BCO1: variants seen among roughly 807,000 people sequenced by gnomAD.
BCO1 encodes the protein beta,beta-carotene 15,15'-dioxygenase.
Under a neutral mutation model 56.3 loss-of-function variants are expected in BCO1, and 54 were observed. That is an observed-to-expected ratio of 0.96 (90% CI 0.77 to 1.20). The LOEUF is 1.20. Ranked by LOEUF, BCO1 falls within the 50% of genes most tolerant of loss-of-function variation. The pLI is 0.00. For synonymous variants in BCO1, 318 were observed against 266.1 expected (o/e 1.20, Z -1.90); for missense variants, 801 against 690.9 (o/e 1.16, Z -1.79).
intron 2 of BCO1, among the ~76,000 whole-genome samples, chr16:81,256,548 A>G (rs766326370): frequency 1.3e-5 from 2 of 152,196 alleles, no homozygotes; most frequent in East Asian, 1.9e-4. Flanking sequence ...AAAATAAAAC[A>G]CTGCCTCTTT....
At chr16:81,258,453 C>T (rs58860442) in intron 2 of BCO1, among the ~76,000 whole-genome samples, 2,961 of 152,288 alleles carry the variant, frequency 0.019, 72 homozygotes, top group African/African-American at 0.067. Context: ...CAATATCAAA[C>T]GTTACTCCAG....
intron 7 of BCO1, among the ~76,000 whole-genome samples, chr16:81,272,507 C>T (rs886442898): frequency 2.6e-5 from 4 of 152,204 alleles, no homozygotes; most frequent in African/African-American, 9.6e-5. Flanking sequence ...TTTGCCTAAT[C>T]GTTCATGGCA....
intron 7 of BCO1, among the ~76,000 whole-genome samples, chr16:81,273,535 G>T (rs995955018): frequency 2.0e-5 from 3 of 152,036 alleles, no homozygotes; most frequent in Admixed American, 6.6e-5. Flanking sequence ...CAGAGCTGGG[G>T]TCCTCTCCCA....
chr16:81,270,692 C>CTCTGTGTCTGTG (rs146010684), intron 7 of BCO1, among the ~76,000 whole-genome samples: 1 of 143,694 alleles, frequency 7.0e-6, no homozygotes. Flanking sequence ...CTCTCTGTGT[C>CTCTGTGTCTGTG]TGTGTGTGTG....
chr16:81,242,702 C>T (rs1241250729), intron 1 of BCO1, among the ~76,000 whole-genome samples: 4 of 152,048 alleles, frequency 2.6e-5, no homozygotes, highest in Non-Finnish European at 4.4e-5. Context: ...AGACAACCTT[C>T]GAAGCTCCAA....
In BCO1 at chr16:81,264,757, G is replaced by A. The variant is rs779046372; in HGVS notation, c.589G>A (p.Val197Met). The change falls in exon 5 of 11, where the codon GTG becomes ATG. Residue 197 changes from valine to methionine, a missense_variant. Coordinates refer to ENST00000258168, the MANE Select transcript of BCO1 (RefSeq NM_017429.3). ...SIVEKGKTKY[V>M]IFKIPATVPE... is the part of the protein sequence containing the mutation. ...TGTGGAAAAGGGGAAGACAAAGTATGTGATTTTTAAGATCCCTGCCACAGT... is the reference window on the plus strand; with the variant it reads ...TGTGGAAAAGGGGAAGACAAAGTATATGATTTTTAAGATCCCTGCCACAGT... 3 of 1,614,054 alleles carry A rather than the reference G, an allele frequency of 1.9e-6. No homozygotes were observed. The highest frequency in any genetic ancestry group is 2.5e-6 in the Non-Finnish European group (3 of 1,180,026).
chr16:81,240,086 G>A lies in BCO1; in HGVS notation c.64+1114G>A, dbSNP rs189111719. ...GAAACAAAAAAAAAATAGCTTTTAT[G>A]TATATATTTTCCTGGTTACAAAGGT... On this transcript the variant is annotated intron_variant, in intron 1 of 10. Coordinates refer to ENST00000258168, the MANE Select transcript of BCO1 (RefSeq NM_017429.3). 8.6e-5 allele frequency among the ~76,000 whole-genome samples: 13 copies of A among 151,948 alleles called. No homozygotes were observed. The East Asian group carries it at 1.9e-3, about 23-fold the overall frequency.
rs151144143 is a variant in BCO1, at chr16:81,241,095, G to A, written c.64+2123G>A. ...TTGATCCGCCCGTGTTGGCCTCCCA[G>A]AGTGCTGGGATTATAGGCGTGAACC... On this transcript the variant is annotated intron_variant, in intron 1 of 10. Coordinates refer to ENST00000258168, the MANE Select transcript of BCO1 (RefSeq NM_017429.3). Among the ~76,000 whole-genome samples, 1,262 of 152,178 alleles carry A rather than the reference G, an allele frequency of 8.3e-3. 11 individuals are homozygous for A. The highest frequency in any genetic ancestry group is 0.027 in the Middle Eastern group (8 of 294).
chr16:81,259,893 T>A, intron 3 of BCO1, 88 bp downstream of exon 3: 6 of 1,541,932 alleles, frequency 3.9e-6, no homozygotes, highest in Non-Finnish European at 5.4e-6. Context: ...CTCTGACAAT[T>A]CTCTTTAGGG....
chr16:81,257,469 T>C (rs1454407159), intron 2 of BCO1, among the ~76,000 whole-genome samples: 1 of 151,816 alleles, frequency 6.6e-6, no homozygotes, highest in Non-Finnish European at 1.5e-5. Context: ...TTCACCATGT[T>C]GGCCAGGCTG....
At chr16:81,287,534 C>CATCTA (rs1908256918) in intron 10 of BCO1, 128 bp downstream of exon 10, 2 of 760,110 alleles carry the variant, frequency 2.6e-6, no homozygotes, top group Non-Finnish European at 4.7e-6. Flanking sequence ...TTGAAGTGTA[C>CATCTA]ATCTGTCTGG....
intron 6 of BCO1, among the ~76,000 whole-genome samples, chr16:81,268,483 G>A (rs924997424): frequency 6.6e-6 from 1 of 152,182 alleles, no homozygotes; most frequent in African/African-American, 2.4e-5. Context: ...CTGTTGACAA[G>A]ACCCCTTAAC....
At chr16:81,260,421 G>A (rs1351094637) in intron 3 of BCO1, among the ~76,000 whole-genome samples, 1 of 152,112 alleles carries the variant, frequency 6.6e-6, no homozygotes, top group African/African-American at 2.4e-5. Flanking sequence ...AAAGAAACTA[G>A]GAAAGGATGC....
intron 3 of BCO1, among the ~76,000 whole-genome samples, chr16:81,260,610 G>C (rs1208049516): frequency 5.9e-5 from 9 of 152,176 alleles, no homozygotes; most frequent in Non-Finnish European, 1.3e-4. Flanking sequence ...CCAGGTTCAA[G>C]TGATTCTCCT....
At chr16:81,259,917 C>T (rs1597356683) in intron 3 of BCO1, 112 bp downstream of exon 3, 1 of 1,321,156 alleles carries the variant, frequency 7.6e-7, no homozygotes, top group Admixed American at 1.7e-5. Flanking sequence ...ATGAAAACTC[C>T]ACATGACTGC....
At chr16:81,264,895 C>T (rs188474473) in intron 5 of BCO1, 108 bp downstream of exon 5, 26 of 1,287,402 alleles carry the variant, frequency 2.0e-5, no homozygotes, top group Middle Eastern at 1.8e-4. Context: ...TACTTTCTCC[C>T]GTAGATTATT....
rs149012771 is a variant in BCO1 at position 81,238,991 on chromosome 16, A to C, written c.64+19A>C. 3 of 1,606,634 alleles carry C rather than the reference A, an allele frequency of 1.9e-6. No individual in the cohort carries two copies. Among genetic ancestry groups the C allele is most frequent in the Non-Finnish European group, 2.6e-6 (3 of 1,174,046 alleles). ...GTGACAGGTGAGCATTCTGATAAACACTGGGCTCTTTCTTCTATTTATTTT... is the reference window on the plus strand; with the variant it reads ...GTGACAGGTGAGCATTCTGATAAACCCTGGGCTCTTTCTTCTATTTATTTT... On this transcript the variant is annotated intron_variant, in intron 1 of 10. Transcript: ENST00000258168.
chr16:81,251,313 C>G (rs1030724854), intron 2 of BCO1, among the ~76,000 whole-genome samples: 2 of 151,844 alleles, frequency 1.3e-5, no homozygotes, highest in African/African-American at 2.4e-5. Flanking sequence ...AATCCCAGCA[C>G]TTTTAGAGGC....
intron 1 of BCO1, among the ~76,000 whole-genome samples, chr16:81,241,077 G>A (rs981127095): frequency 9.9e-5 from 15 of 152,196 alleles, no homozygotes; most frequent in African/African-American, 2.6e-4. Context: ...CAGTTGATCC[G>A]CCCGTGTTGG....
Sources: gnomAD v4.1 joint callset for allele counts (sites outside exome capture counted in the v4.1 genomes callset) on GRCh38, gnomAD v4.1.1 for gene constraint, MANE v1.5 for transcripts, NCBI Gene and HGNC (gene_info 2026-07-23, HGNC 2026-07-21) for gene names.